The following SUPT3H variants were observed in gnomAD, a reference collection of about 807,000 sequenced individuals.
SUPT3H encodes transcription initiation protein SPT3 homolog.
A neutral mutation model predicts 44.3 loss-of-function variants in SUPT3H; 44 were observed. The observed-to-expected ratio is 0.99, with a 90% CI of 0.78 to 1.28. The LOEUF (loss-of-function observed/expected upper bound fraction) is 1.28, where lower values mean the gene tolerates loss of function less well. Ranked by LOEUF, SUPT3H falls within the 50% of genes most tolerant of loss-of-function variation. The pLI is 0.00. For synonymous variants in SUPT3H, 124 were observed against 125.6 expected (o/e 0.99, Z 0.09); for missense variants, 380 against 387.1 (o/e 0.98, Z 0.15).
chr6:44,944,384 G>A (rs2153468162), intron 9 of SUPT3H, among the ~76,000 whole-genome samples: 1 of 152,074 alleles, frequency 6.6e-6, no homozygotes, highest in South Asian at 2.1e-4. Flanking sequence ...GAAATAAGCA[G>A]AAAAGAAATA....
chr6:45,372,551 G>C (rs1796230916), intron 1 of SUPT3H, among the ~76,000 whole-genome samples: 1 of 152,056 alleles, frequency 6.6e-6, no homozygotes, highest in African/African-American at 2.4e-5. Context: ...ATTTATATTT[G>C]TATGTTATTT....
chr6:45,017,465 T>A (rs1784468950), intron 4 of SUPT3H, among the ~76,000 whole-genome samples: 1 of 151,832 alleles, frequency 6.6e-6, no homozygotes, highest in Non-Finnish European at 1.5e-5. Context: ...CTTCCAGGGT[T>A]TTTATGGTTT....
chr6:45,247,094 G>A (rs1467253569), intron 2 of SUPT3H, among the ~76,000 whole-genome samples: 1 of 152,290 alleles, frequency 6.6e-6, no homozygotes, highest in Non-Finnish European at 1.5e-5. Context: ...GGATCCCACA[G>A]ATGCTAAAAG....
intron 9 of SUPT3H, among the ~76,000 whole-genome samples, chr6:44,939,919 TTTTG>T (rs1772126802): frequency 6.6e-6 from 1 of 151,942 alleles, no homozygotes; most frequent in African/African-American, 2.4e-5. Context: ...TCAATTCTGG[TTTTG>T]TTTATTTGGA....
At chr6:45,322,856 G>A (rs774545020) in intron 2 of SUPT3H, 2 of 1,583,058 alleles carry the variant, frequency 1.3e-6, no homozygotes, top group Middle Eastern at 1.7e-4. Context: ...AAAAGCAGTG[G>A]CACTGGAGAG....
intron 2 of SUPT3H, among the ~76,000 whole-genome samples, chr6:45,335,923 A>G (rs531772059): frequency 6.6e-6 from 1 of 151,472 alleles, no homozygotes; most frequent in Admixed American, 6.6e-5. Flanking sequence ...GAGTCAATGC[A>G]AAAATGAAAT....
downstream of SUPT3H, among the ~76,000 whole-genome samples, chr6:44,824,547 A>C (rs1285744223): frequency 6.6e-6 from 1 of 152,100 alleles, no homozygotes; most frequent in Admixed American, 6.5e-5. Flanking sequence ...AGTTATTTGG[A>C]ATCTTAAAGG....
At chr6:44,910,997 A>C (rs1202772280) in intron 10 of SUPT3H, among the ~76,000 whole-genome samples, 1 of 66,640 alleles carries the variant, frequency 1.5e-5, no homozygotes, top group African/African-American at 5.6e-5. Context: ...TCCATCTCAA[A>C]AAAAAAAAAA....
chr6:45,034,991 T>C (rs932673170), intron 3 of SUPT3H, among the ~76,000 whole-genome samples: 2 of 152,204 alleles, frequency 1.3e-5, no homozygotes, highest in African/African-American at 4.8e-5. Flanking sequence ...TATTTAAATA[T>C]GTAAAATTCA....
intron 6 of SUPT3H, among the ~76,000 whole-genome samples, chr6:44,986,568 T>C (rs1779824428): frequency 6.6e-6 from 1 of 152,114 alleles, no homozygotes; most frequent in Non-Finnish European, 1.5e-5. Flanking sequence ...TACTTTGAGT[T>C]GAGATGCAGA....
intron 9 of SUPT3H, among the ~76,000 whole-genome samples, chr6:44,950,185 T>G (rs1295103385): frequency 6.6e-6 from 1 of 152,200 alleles, no homozygotes; most frequent in Non-Finnish European, 1.5e-5. Context: ...CAGCAGTTAC[T>G]ACAAGAAATG....
chr6:44,888,988 C>G (rs1762809331), intron 10 of SUPT3H, among the ~76,000 whole-genome samples: 1 of 135,012 alleles, frequency 7.4e-6, no homozygotes, highest in Non-Finnish European at 1.6e-5. Context: ...AAACAGAGAG[C>G]CAAATCATGA....
intron 3 of SUPT3H, among the ~76,000 whole-genome samples, chr6:45,076,600 G>A (rs1281056505): frequency 6.6e-6 from 1 of 151,940 alleles, no homozygotes; most frequent in Non-Finnish European, 1.5e-5. Flanking sequence ...ACTCAAAAAT[G>A]CTTTTGTACT....
intron 10 of SUPT3H, among the ~76,000 whole-genome samples, chr6:44,880,422 A>C (rs1334688518): frequency 6.6e-6 from 1 of 152,128 alleles, no homozygotes; most frequent in African/African-American, 2.4e-5. Flanking sequence ...GAAATATGGG[A>C]CTATGTGAAA....
intron 3 of SUPT3H, among the ~76,000 whole-genome samples, chr6:45,025,359 A>G (rs1022829171): frequency 2.0e-5 from 3 of 152,158 alleles, no homozygotes; most frequent in Admixed American, 6.5e-5. Context: ...TGCCTCCCAA[A>G]TTTCTTTTGA....
In SUPT3H at chr6:45,005,118, G is replaced by A. The variant is rs117686310; in HGVS notation, c.365-1326C>T. 1.8e-4 allele frequency among the ~76,000 whole-genome samples: 27 copies of A among 152,278 alleles called. 1 individual carries two copies. In the East Asian group the frequency reaches 4.6e-3, roughly 26 times the overall value. ...GGAAGTTAAGAGATTGTTTACCAGT[G>A]CATTAACCTTCAAGTTTCCAAGACT... On this transcript the variant is annotated intron_variant, in intron 5 of 10. Coordinates refer to ENST00000371459, the MANE Select transcript of SUPT3H (RefSeq NM_003599.4).
chr6:45,322,951 T>C, intron 2 of SUPT3H: 1 of 1,608,340 alleles, frequency 6.2e-7, no homozygotes, highest in Middle Eastern at 1.7e-4. Flanking sequence ...GCTACAGCTG[T>C]TATTGATAAG....
intron 10 of SUPT3H, among the ~76,000 whole-genome samples, chr6:44,924,733 A>G (rs1419586639): frequency 1.3e-5 from 2 of 152,238 alleles, no homozygotes; most frequent in African/African-American, 4.8e-5. Context: ...AATATGCTAC[A>G]TGTTAATTTT....
intron 6 of SUPT3H, among the ~76,000 whole-genome samples, chr6:44,998,636 C>T (rs575143533): frequency 6.6e-6 from 1 of 151,944 alleles, no homozygotes; most frequent in East Asian, 1.9e-4. Context: ...ATTACTTTTG[C>T]ACCAACCTAA....
Sources: gnomAD v4.1 joint callset for allele counts (sites outside exome capture counted in the v4.1 genomes callset) on GRCh38, gnomAD v4.1.1 for gene constraint, MANE v1.5 for transcripts, NCBI Gene and HGNC (gene_info 2026-07-23, HGNC 2026-07-21) for gene names.